NPAS3: variants seen among roughly 807,000 people sequenced by gnomAD.
NPAS3 encodes the protein neuronal PAS domain protein 3.
In NPAS3, 14 loss-of-function variants were observed where a neutral mutation model predicts 73.1. The observed-to-expected ratio is 0.19, with a 90% CI of 0.13 to 0.30. NPAS3 has a LOEUF of 0.30. Among genes scored for constraint, NPAS3 ranks in the 10% least tolerant of loss-of-function variants. NPAS3 has a pLI of 1.00. For missense variants in NPAS3, 1,096 were observed against 1,250.0 expected, an observed-to-expected ratio of 0.88 and a Z score of 1.86; for synonymous variants, 620 against 541.5, an observed-to-expected ratio of 1.14 and a Z score of -2.01.
intron 3 of NPAS3, among the ~76,000 whole-genome samples, chr14:33,268,159 C>A (rs946340342): frequency 6.6e-6 from 1 of 152,098 alleles, no homozygotes; most frequent in South Asian, 2.1e-4. Context: ...TCATTAAAGC[C>A]CCTTCTCTTG....
At chr14:33,062,267 C>T (rs1566518460) in intron 2 of NPAS3, among the ~76,000 whole-genome samples, 1 of 149,146 alleles carries the variant, frequency 6.7e-6, no homozygotes. Flanking sequence ...GGAATGTGAT[C>T]TCATTGTTCA....
chr14:33,773,236 G>A (rs150072771), intron 7 of NPAS3, among the ~76,000 whole-genome samples: 81 of 152,272 alleles, frequency 5.3e-4, no homozygotes, highest in African/African-American at 1.8e-3. Flanking sequence ...AAAAGATAGC[G>A]TGGCACTCAG....
intron 4 of NPAS3, among the ~76,000 whole-genome samples, chr14:33,544,273 A>G (rs779867497): frequency 6.6e-6 from 1 of 151,880 alleles, no homozygotes; most frequent in Non-Finnish European, 1.5e-5. Context: ...CTCCCAAAGC[A>G]CTGGGATTAT....
At chr14:33,380,044 G>A (rs2046476857) in intron 4 of NPAS3, among the ~76,000 whole-genome samples, 1 of 147,542 alleles carries the variant, frequency 6.8e-6, no homozygotes, top group Non-Finnish European at 1.5e-5. Flanking sequence ...AAGTGGGGGG[G>A]AAAAAGAAAA....
intron 2 of NPAS3, among the ~76,000 whole-genome samples, chr14:33,075,156 C>A (rs1444604240): frequency 1.3e-5 from 2 of 152,096 alleles, no homozygotes; most frequent in East Asian, 1.9e-4. Flanking sequence ...AATTTAAGGT[C>A]TTACAAGTGA....
intron 2 of NPAS3, among the ~76,000 whole-genome samples, chr14:33,123,369 T>C (rs781474859): frequency 2.6e-5 from 4 of 152,042 alleles, no homozygotes; most frequent in African/African-American, 4.8e-5. Flanking sequence ...AGGGATTTTG[T>C]GGATATTGTT....
intron 5 of NPAS3, among the ~76,000 whole-genome samples, chr14:33,671,555 T>C (rs553221691): frequency 2.0e-5 from 3 of 152,294 alleles, no homozygotes; most frequent in Admixed American, 6.5e-5. Flanking sequence ...TATGGTAACA[T>C]TGGGCAGGGA....
chr14:33,147,363 A>G (rs1429431982), intron 2 of NPAS3, among the ~76,000 whole-genome samples: 1 of 152,194 alleles, frequency 6.6e-6, no homozygotes, highest in Non-Finnish European at 1.5e-5. Context: ...TGGGATTTGA[A>G]AAGTATTTCT....
chr14:33,733,547 T>C (rs1351597601), intron 6 of NPAS3, among the ~76,000 whole-genome samples: 2 of 152,162 alleles, frequency 1.3e-5, no homozygotes, highest in African/African-American at 4.8e-5. Context: ...GTTGATGTGA[T>C]TGGATTAGAG....
intron 6 of NPAS3, among the ~76,000 whole-genome samples, chr14:33,706,833 C>T (rs2060668880): frequency 6.6e-6 from 1 of 152,108 alleles, no homozygotes; most frequent in Non-Finnish European, 1.5e-5. Context: ...TCAGAGCCTC[C>T]CCTGGCTCCG....
intron 1 of NPAS3, among the ~76,000 whole-genome samples, chr14:33,018,588 G>A (rs2039477586): frequency 6.6e-6 from 1 of 152,098 alleles, no homozygotes; most frequent in South Asian, 2.1e-4. Context: ...CTGGTTAAAG[G>A]CACCTACTCT....
At chr14:33,556,266 A>G (rs2055355172) in intron 4 of NPAS3, among the ~76,000 whole-genome samples, 1 of 152,234 alleles carries the variant, frequency 6.6e-6, no homozygotes, top group African/African-American at 2.4e-5. Context: ...GGATATGCGT[A>G]GACAGCAAAT....
chr14:33,403,347 G>A (rs1331839417), intron 4 of NPAS3, among the ~76,000 whole-genome samples: 2 of 151,984 alleles, frequency 1.3e-5, no homozygotes, highest in Admixed American at 6.6e-5. Flanking sequence ...CAGGAGGCTT[G>A]TGGTATATTT....
At chr14:33,057,256 A>C (rs1378917603) in intron 2 of NPAS3, among the ~76,000 whole-genome samples, 3 of 152,128 alleles carry the variant, frequency 2.0e-5, no homozygotes, top group Admixed American at 2.0e-4. Flanking sequence ...AGATAGTGTT[A>C]CTAGTTTTAT....
intron 4 of NPAS3, among the ~76,000 whole-genome samples, chr14:33,386,059 T>C (rs1418200168): frequency 7.3e-6 from 1 of 136,560 alleles, no homozygotes; most frequent in Non-Finnish European, 1.5e-5. Context: ...TGAACACATC[T>C]GTAATTGAGA....
intron 1 of NPAS3, among the ~76,000 whole-genome samples, chr14:33,017,922 C>T (rs1193884331): frequency 1.3e-5 from 2 of 151,952 alleles, no homozygotes; most frequent in Non-Finnish European, 2.9e-5. Context: ...AACATTTGTA[C>T]TTTTATTAAA....
At chr14:33,734,855 T>C (rs1340220077) in intron 6 of NPAS3, among the ~76,000 whole-genome samples, 1 of 152,102 alleles carries the variant, frequency 6.6e-6, no homozygotes, top group Non-Finnish European at 1.5e-5. Flanking sequence ...TGTACCTTAG[T>C]TGACCTCATA....
chr14:33,107,700 GC>G lies in NPAS3; in HGVS notation c.140+51707del, dbSNP rs1238213075. On this transcript the variant is annotated intron_variant, in intron 2 of 11. Transcript: ENST00000356141. ...GATTTTATGTCTTTAAATATGTGCT[GC>G]AATGAGAAAAAACATATTTTCTACA... is the stretch of plus-strand genomic sequence containing the variant. 3.3e-5 allele frequency among the ~76,000 whole-genome samples: 5 copies of G among 152,146 alleles called. No individual in the cohort carries two copies. In the South Asian group the frequency reaches 8.3e-4, roughly 25 times the overall value.
intron 5 of NPAS3, among the ~76,000 whole-genome samples, chr14:33,600,045 C>G (rs1311592771): frequency 6.6e-6 from 1 of 152,172 alleles, no homozygotes; most frequent in Non-Finnish European, 1.5e-5. Flanking sequence ...AGCCCAGGCA[C>G]TAGAGTTCCT....
Sources: gnomAD v4.1 joint callset for allele counts (sites outside exome capture counted in the v4.1 genomes callset) on GRCh38, gnomAD v4.1.1 for gene constraint, MANE v1.5 for transcripts, NCBI Gene and HGNC (gene_info 2026-07-23, HGNC 2026-07-21) for gene names.